The following ANKRD44 variants were observed in gnomAD, a reference collection of about 807,000 sequenced individuals.
The protein encoded by ANKRD44 is ankyrin repeat domain 44.
ANKRD44 carries 35 observed loss-of-function variants against 116.0 expected under a neutral mutation model. The ratio of observed to expected loss-of-function variants is 0.30; its 90% confidence interval spans 0.23 to 0.40. ANKRD44 has a LOEUF of 0.40. Ranked by LOEUF, ANKRD44 falls within the 10% of genes least tolerant of loss-of-function variation. The pLI is 1.00. For synonymous variants in ANKRD44, 435 were observed against 461.8 expected (o/e 0.94, Z 0.74); for missense variants, 1,014 against 1,242.6 (o/e 0.82, Z 2.77).
intron 2 of ANKRD44, among the ~76,000 whole-genome samples, chr2:197,152,946 G>A (rs1276955934): frequency 1.3e-5 from 2 of 152,140 alleles, no homozygotes; most frequent in Non-Finnish European, 2.9e-5. Context: ...GCCGGACGTG[G>A]TGGCTCATGC....
chr2:197,285,815 G>T (rs960394982), intron 1 of ANKRD44, among the ~76,000 whole-genome samples: 1 of 152,196 alleles, frequency 6.6e-6, no homozygotes. Flanking sequence ...TCAATAAAAT[G>T]ATATAGGGTC....
chr2:197,000,556 C>A, intron 22 of ANKRD44, 54 bp from the exon 23 acceptor site: 1 of 1,364,474 alleles, frequency 7.3e-7, no homozygotes, highest in South Asian at 1.2e-5. Context: ...AATTATATCA[C>A]CTCCTAACCC....
chr2:197,281,739 T>C (rs1348321743), intron 1 of ANKRD44, among the ~76,000 whole-genome samples: 1 of 152,202 alleles, frequency 6.6e-6, no homozygotes, highest in Non-Finnish European at 1.5e-5. Context: ...ATTTTTTCCT[T>C]GGAATTAAAA....
chr2:197,203,493 G>A lies in ANKRD44; in HGVS notation c.28-16387C>T, dbSNP rs1216693461. On this transcript the variant is annotated intron_variant, in intron 1 of 27. Transcript: ENST00000282272. This position sits in a 1 kb window ranked among gnomAD's most constrained non-coding sequence, Gnocchi z 4.1. ...GAAGAAATTGGAACATTGCTGATTGGAATGTATAATAGTGCAGCTGCTGTG... is the reference window on the plus strand; with the variant it reads ...GAAGAAATTGGAACATTGCTGATTGAAATGTATAATAGTGCAGCTGCTGTG... Among the ~76,000 whole-genome samples the A allele has an allele frequency of 6.6e-6, 1 of 152,126 alleles. No homozygotes were observed. The highest frequency in any genetic ancestry group is 2.1e-4 in the South Asian group (1 of 4,826).
chr2:197,216,719 C>T (rs558282713), intron 1 of ANKRD44, among the ~76,000 whole-genome samples: 1 of 152,222 alleles, frequency 6.6e-6, no homozygotes, highest in Admixed American at 6.5e-5. Flanking sequence ...CTAACATCAG[C>T]CCACACATAA....
At chr2:196,983,451 C>T (rs1007079497), downstream of ANKRD44, among the ~76,000 whole-genome samples, 1 of 152,126 alleles carries the variant, frequency 6.6e-6, no homozygotes, top group African/African-American at 2.4e-5. Flanking sequence ...TGGCACTAGC[C>T]TTTTCCTCTC....
chr2:197,214,251 T>C (rs2081389594), intron 1 of ANKRD44, among the ~76,000 whole-genome samples: 1 of 152,186 alleles, frequency 6.6e-6, no homozygotes. Context: ...TAATAAAATA[T>C]GGCACATCAA....
intron 2 of ANKRD44, among the ~76,000 whole-genome samples, chr2:197,172,622 G>A (rs1313548323): frequency 2.0e-5 from 3 of 151,856 alleles, no homozygotes; most frequent in Non-Finnish European, 2.9e-5. Context: ...TCACTCTGTC[G>A]CCCAGGCTGG....
Position 196,995,376 on chromosome 2 carries a change from T to TA in ANKRD44, c.2831+2dup. The TA allele has an allele frequency of 6.2e-7, 1 of 1,606,738 alleles. No individual in the cohort carries two copies. Among genetic ancestry groups the TA allele is most frequent in the Non-Finnish European group, 8.5e-7 (1 of 1,175,072 alleles). On this transcript the variant is annotated splice_region_variant and intron_variant, in intron 26 of 27. Coordinates refer to ENST00000282272, the MANE Select transcript of ANKRD44 (RefSeq NM_001195144.2). ...CAAGTCCAACTTTAGTAGTTACACTTACGTCTGCAGTGCATTATTTTTTTC... is the reference window on the plus strand; with the variant it reads ...CAAGTCCAACTTTAGTAGTTACACTTAACGTCTGCAGTGCATTATTTTTTTC...
intron 1 of ANKRD44, among the ~76,000 whole-genome samples, chr2:197,288,718 T>TA (rs1464256726): frequency 2.0e-5 from 3 of 151,758 alleles, no homozygotes; most frequent in African/African-American, 2.4e-5. Flanking sequence ...TATTCAGCCG[T>TA]AAAAAACAAT....
chr2:197,254,838 G>C (rs1266567463), intron 1 of ANKRD44, among the ~76,000 whole-genome samples: 1 of 152,116 alleles, frequency 6.6e-6, no homozygotes, highest in Non-Finnish European at 1.5e-5. Context: ...TACTCTAGGC[G>C]TATGTACTAG....
intron 16 of ANKRD44, among the ~76,000 whole-genome samples, chr2:197,072,992 C>T (rs1297709519): frequency 5.3e-5 from 8 of 152,200 alleles, no homozygotes; most frequent in African/African-American, 1.9e-4. Context: ...ATGACAATCA[C>T]AGACTCCTAA....
intron 16 of ANKRD44, among the ~76,000 whole-genome samples, chr2:197,073,272 C>A (rs2077597513): frequency 6.6e-6 from 1 of 152,162 alleles, no homozygotes; most frequent in African/African-American, 2.4e-5. Flanking sequence ...GGTTCTCCAC[C>A]ATCACTGGGG....
At chr2:196,991,948 A>G (rs964195795) in intron 27 of ANKRD44, among the ~76,000 whole-genome samples, 9 of 152,204 alleles carry the variant, frequency 5.9e-5, no homozygotes, top group Admixed American at 1.3e-4. Flanking sequence ...CTAAAATGTA[A>G]TGGATGTGAG....
At chr2:196,974,045 A>G (rs2075739126) in intron 21 of ANKRD44, among the ~76,000 whole-genome samples, 1 of 152,168 alleles carries the variant, frequency 6.6e-6, no homozygotes, top group Non-Finnish European at 1.5e-5. Flanking sequence ...GAAATTTGGG[A>G]ATTTCACAAA....
chr2:197,083,831 T>C (rs1261813465), intron 13 of ANKRD44, among the ~76,000 whole-genome samples: 1 of 152,214 alleles, frequency 6.6e-6, no homozygotes, highest in Non-Finnish European at 1.5e-5. Flanking sequence ...GTTTGGATTT[T>C]CAGATGAGGG....
At chr2:197,170,447 C>T (rs2080205756) in intron 2 of ANKRD44, among the ~76,000 whole-genome samples, 1 of 152,186 alleles carries the variant, frequency 6.6e-6, no homozygotes, top group East Asian at 1.9e-4. Flanking sequence ...GAGAAACACA[C>T]TTTGGAAAAT....
chr2:196,994,430 C>T (rs1300275000), intron 26 of ANKRD44: 1 of 152,004 alleles, frequency 6.6e-6, no homozygotes, highest in East Asian at 1.9e-4. Context: ...AAGTGATCTA[C>T]TTGCCTCAGC....
intron 15 of ANKRD44, 104 bp downstream of exon 15, chr2:197,081,541 C>A: frequency 2.1e-6 from 2 of 968,902 alleles, no homozygotes; most frequent in Non-Finnish European, 3.3e-6. Context: ...TCCTCAAGAT[C>A]CCAAGTGAAA....
Sources: gnomAD v4.1 joint callset for allele counts (sites outside exome capture counted in the v4.1 genomes callset) on GRCh38, gnomAD v4.1.1 for gene constraint, Gnocchi (gnomAD v3.1) non-coding constraint, MANE v1.5 for transcripts, NCBI Gene and HGNC (gene_info 2026-07-23, HGNC 2026-07-21) for gene names.